The following ZNF385D variants were observed in gnomAD, a reference collection of about 807,000 sequenced individuals.
ZNF385D encodes the protein zinc finger protein 659.
In ZNF385D, 15 loss-of-function variants were observed where a neutral mutation model predicts 35.8. The ratio of observed to expected loss-of-function variants is 0.42; its 90% CI spans 0.28 to 0.64. The LOEUF is 0.64. ZNF385D is among the 30% of genes least tolerant of loss of function. ZNF385D has a pLI of 0.23. For missense variants in ZNF385D, 474 were observed against 494.6 expected (o/e 0.96, Z 0.39); for synonymous variants, 212 against 186.8 (o/e 1.13, Z -1.10).
chr3:21,475,922 C>A (rs1028611680), intron 4 of ZNF385D, among the ~76,000 whole-genome samples: 4 of 150,496 alleles, frequency 2.7e-5, no homozygotes, highest in African/African-American at 9.7e-5. Flanking sequence ...AGACCTCATC[C>A]TTTAGATATA....
intron 3 of ZNF385D, among the ~76,000 whole-genome samples, chr3:22,123,586 G>T (rs141914022): frequency 3.9e-5 from 6 of 152,104 alleles, no homozygotes; most frequent in African/African-American, 9.7e-5. Context: ...TGGGCCGGGC[G>T]CGGTGGCTGA....
chr3:22,089,610 C>G lies in ZNF385D; in HGVS notation c.325+79207G>C, dbSNP rs193240590. Among the ~76,000 whole-genome samples, 32 of 152,230 alleles carry G rather than the reference C, an allele frequency of 2.1e-4. No individual in the cohort carries two copies. In the East Asian group the frequency reaches 5.8e-3, roughly 28 times the overall value. ...TGACCTCCGTGGCCTTTTTGCTATT[C>G]AGTGAGCCATGGATGCACCTTCCTC... On this transcript the variant is annotated intron_variant, in intron 3 of 5. Coordinates refer to the ZNF385D transcript ENST00000494108.
At chr3:21,965,573 A>G (rs1198356776) in intron 3 of ZNF385D, among the ~76,000 whole-genome samples, 3 of 152,234 alleles carry the variant, frequency 2.0e-5, no homozygotes, top group Non-Finnish European at 4.4e-5. Context: ...TTTCACAATA[A>G]AAGACTCAAC....
chr3:21,915,703 T>G (rs1700163806), intron 3 of ZNF385D, among the ~76,000 whole-genome samples: 1 of 152,116 alleles, frequency 6.6e-6, no homozygotes, highest in East Asian at 1.9e-4. Context: ...GTAGGTCAAT[T>G]GCACATAGCA....
At chr3:21,869,945 A>G (rs1198424880) in intron 3 of ZNF385D, among the ~76,000 whole-genome samples, 1 of 152,160 alleles carries the variant, frequency 6.6e-6, no homozygotes, top group African/African-American at 2.4e-5. Context: ...AATTGATTAA[A>G]GAAGGTTTTT....
At chr3:21,734,650 G>A (rs186849358) in intron 1 of ZNF385D, among the ~76,000 whole-genome samples, 2 of 152,184 alleles carry the variant, frequency 1.3e-5, no homozygotes, top group African/African-American at 4.8e-5. Context: ...GGTAAGGAGA[G>A]TTTCGTAAAA....
chr3:21,573,060 G>C (rs1250105520), intron 2 of ZNF385D, among the ~76,000 whole-genome samples: 2 of 152,142 alleles, frequency 1.3e-5, no homozygotes, highest in African/African-American at 4.8e-5. Context: ...TTAAATTCAA[G>C]AAATCTAACT....
At chr3:22,144,244 G>T (rs1704703472) in intron 3 of ZNF385D, among the ~76,000 whole-genome samples, 1 of 152,084 alleles carries the variant, frequency 6.6e-6, no homozygotes, top group Non-Finnish European at 1.5e-5. Flanking sequence ...ACAAATATAG[G>T]TTTAAATTAT....
intron 3 of ZNF385D, among the ~76,000 whole-genome samples, chr3:22,166,962 G>A (rs952888826): frequency 6.6e-6 from 1 of 152,184 alleles, no homozygotes; most frequent in African/African-American, 2.4e-5. Flanking sequence ...TTAACAATAA[G>A]GAGTAGATTT....
chr3:21,750,748 G>T, intron 1 of ZNF385D, 147 bp downstream of exon 1: 1 of 895,022 alleles, frequency 1.1e-6, no homozygotes, highest in Non-Finnish European at 1.8e-6. Context: ...AAGCTTTGAA[G>T]GCTGCACCGG....
intron 2 of ZNF385D, among the ~76,000 whole-genome samples, chr3:22,184,975 T>A (rs531722679): frequency 5.9e-5 from 9 of 152,216 alleles, no homozygotes; most frequent in African/African-American, 1.9e-4. Flanking sequence ...TGTCCTGAGT[T>A]TTTAGGTAGG....
intron 2 of ZNF385D, among the ~76,000 whole-genome samples, chr3:22,370,103 T>C (rs1458978881): frequency 6.6e-6 from 1 of 152,220 alleles, no homozygotes; most frequent in Non-Finnish European, 1.5e-5. Context: ...TAGTAATTGT[T>C]TTGAAAATAC....
chr3:21,491,742 G>A lies in ZNF385D; in HGVS notation c.439+19119C>T, dbSNP rs552547850. On this transcript the variant is annotated intron_variant, in intron 4 of 7. Coordinates refer to ENST00000281523, the MANE Select transcript of ZNF385D (RefSeq NM_024697.3). The stretch of plus-strand genomic sequence containing the variant: ...GCAAGTGTCAGAATTGAATAGTTAT[G>A]ACAGAGGCTAAAATACTTACTACAT... 1.4e-4 allele frequency among the ~76,000 whole-genome samples: 22 copies of A among 152,216 alleles called. No homozygotes were observed. In the South Asian group the frequency reaches 3.9e-3, roughly 27 times the overall value.
chr3:21,911,535 T>G (rs369776954), intron 3 of ZNF385D, among the ~76,000 whole-genome samples: 4 of 152,008 alleles, frequency 2.6e-5, no homozygotes, highest in Admixed American at 2.0e-4. Flanking sequence ...GTATTTCACC[T>G]CATAATGTTG....
intron 2 of ZNF385D, among the ~76,000 whole-genome samples, chr3:22,369,188 T>C (rs1370802503): frequency 6.6e-6 from 1 of 152,214 alleles, no homozygotes; most frequent in Admixed American, 6.5e-5. Context: ...GGGATGTCAG[T>C]GTGACTCATG....
chr3:22,283,791 T>C (rs1289679151), intron 2 of ZNF385D, among the ~76,000 whole-genome samples: 1 of 152,186 alleles, frequency 6.6e-6, no homozygotes, highest in South Asian at 2.1e-4. Context: ...CAAATTTTAT[T>C]TGGATTCCCT....
At chr3:21,757,421 G>C (rs12630569) in intron 3 of ZNF385D, among the ~76,000 whole-genome samples, 26,510 of 152,070 alleles carry the variant, frequency 0.17, 2,825 homozygotes, top group Non-Finnish European at 0.23. Flanking sequence ...GGGATTACAG[G>C]CGTGAGCCAC....
intron 3 of ZNF385D, among the ~76,000 whole-genome samples, chr3:21,832,030 T>G (rs1291602683): frequency 6.6e-6 from 1 of 152,200 alleles, no homozygotes; most frequent in African/African-American, 2.4e-5. Flanking sequence ...GATTTACTTA[T>G]AGAAACATTA....
chr3:21,575,287 G>T (rs1254401006), intron 2 of ZNF385D, among the ~76,000 whole-genome samples: 1 of 152,066 alleles, frequency 6.6e-6, no homozygotes, highest in Non-Finnish European at 1.5e-5. Flanking sequence ...AGGTGGGAGG[G>T]TGGTGTTTAA....
Sources: allele counts gnomAD v4.1 joint callset (sites outside exome capture counted in the v4.1 genomes callset), GRCh38; gene constraint gnomAD v4.1.1; transcripts MANE v1.5; gene names NCBI Gene and HGNC (gene_info 2026-07-23, HGNC 2026-07-21).